Variants in ATP13A3 observed in about 807,000 individuals in gnomAD.
The protein encoded by ATP13A3 is ATPase 13A3.
Under a neutral mutation model 158.1 loss-of-function variants are expected in ATP13A3, and 59 were observed. The ratio of observed to expected loss-of-function variants is 0.37; its 90% CI spans 0.30 to 0.46. ATP13A3 has a LOEUF of 0.46. ATP13A3 is among the 20% of genes least tolerant of loss of function. The probability of loss-of-function intolerance (pLI) is 1.00; values close to 1 mark genes in which losing one functional copy is unlikely to be tolerated. For synonymous variants in ATP13A3, 491 were observed against 504.3 expected, an observed-to-expected ratio of 0.97 and a Z score of 0.35; for missense variants, 1,166 against 1,525.2, an observed-to-expected ratio of 0.76 and a Z score of 3.92.
intron 33 of ATP13A3, among the ~76,000 whole-genome samples, chr3:194,408,696 A>G (rs934653364): frequency 1.3e-5 from 2 of 152,176 alleles, no homozygotes; most frequent in Non-Finnish European, 2.9e-5. Flanking sequence ...CCCCTACTGT[A>G]CCATAATTGG....
intron 2 of ATP13A3, among the ~76,000 whole-genome samples, chr3:194,465,588 G>A (rs772786295): frequency 6.6e-6 from 1 of 152,112 alleles, no homozygotes; most frequent in African/African-American, 2.4e-5. Context: ...TTTAGTTAGC[G>A]GGATAAAATT....
rs532951838 is a variant in ATP13A3 at position 194,460,710 on chromosome 3, G to C, written c.173C>G (p.Thr58Ser). 6.2e-7 allele frequency: 1 copy of C among 1,613,914 alleles called. No individual in the cohort carries two copies. The highest frequency in any genetic ancestry group is 2.2e-5 in the East Asian group (1 of 44,880). ...GTCTTTAATTGCAGCTCTGACACAG[G>C]TCGCTTTCACCCGCCACTCAGGCAT... is the stretch of plus-strand genomic sequence containing the variant. ...YWMPEWRVKA[T>S]CVRAAIKDCE... Residue 58 changes from threonine (T) to serine (S), a missense_variant, in exon 4 of 34, where the codon ACC becomes AGC. By Grantham distance (58) the Thr-to-Ser change is moderately conservative. Transcript: ENST00000645319.
intron 3 of ATP13A3, among the ~76,000 whole-genome samples, 163 bp from the exon 4 acceptor site, chr3:194,460,994 G>C (rs1171386212): frequency 6.6e-6 from 1 of 151,982 alleles, no homozygotes; most frequent in Non-Finnish European, 1.5e-5. Flanking sequence ...TTTTGTTTCT[G>C]ACCAGTTTAC....
Position 194,402,972 on chromosome 3 carries a change from CA to C in ATP13A3, c.*2946del, listed in dbSNP as rs1323056875. The C allele has an allele frequency of 6.6e-6, 1 of 152,138 alleles. No homozygotes were observed. The highest frequency in any genetic ancestry group is 1.5e-5 in the Non-Finnish European group (1 of 68,028). 9.4% of individuals were successfully genotyped at this position (152,138 alleles called of 1,614,324 possible). On this transcript the variant is annotated 3_prime_UTR_variant, in exon 34 of 34. Coordinates refer to ENST00000645319, the MANE Select transcript of ATP13A3 (RefSeq NM_001367549.1). ...TACATTAAAAATGTGTAAATGCCCA[CA>C]GACTGTACAAAAATTAACACCCCAT...
chr3:194,489,704 G>A (rs1392654369), upstream of ATP13A3, among the ~76,000 whole-genome samples: 1 of 152,158 alleles, frequency 6.6e-6, no homozygotes, highest in Non-Finnish European at 1.5e-5. This position sits in a 1 kb window ranked among gnomAD's most constrained non-coding sequence, Gnocchi z 4.1. Context: ...TCAAGGGAAA[G>A]CTATAGGAAA....
At chr3:194,466,011 C>G (rs1416915147) in intron 2 of ATP13A3, among the ~76,000 whole-genome samples, 1 of 151,736 alleles carries the variant, frequency 6.6e-6, no homozygotes, top group African/African-American at 2.4e-5. Context: ...ACTTTTAAAA[C>G]ACCAATGGGT....
chr3:194,448,776 T>C lies in ATP13A3; in HGVS notation c.971-140A>G, dbSNP rs1000314154. On this transcript the variant is annotated intron_variant, in intron 11 of 33. Coordinates refer to ENST00000645319, the MANE Select transcript of ATP13A3 (RefSeq NM_001367549.1). The surrounding 1 kb of genome is among the most constrained non-coding windows in gnomAD (Gnocchi z 4.0). ...TACTGTTTACAATAATCACTGAGAG[T>C]TGTATATGTGGACAACATGGCTTAA... The C allele has an allele frequency of 3.3e-6, 3 of 908,568 alleles. No individual in the cohort carries two copies. Among genetic ancestry groups the C allele is most frequent in the African/African-American group, 1.7e-5 (1 of 58,764 alleles). The allele number at this position is 908,568 out of a possible 1,614,324, so 56.3% of individuals were successfully genotyped here. A position where few individuals can be genotyped will look rare whatever the true frequency, so the allele number is the denominator to read the frequency against.
At position 194,405,900 on chromosome 3, in the gene ATP13A3, C is replaced by A; in HGVS notation, c.*19G>T. ...TCCTGAATACTGCTATCAGCAATAC[C>A]ACTGAGACTGATTCACTGCTATGTT... On this transcript the variant is annotated 3_prime_UTR_variant, in exon 34 of 34. Coordinates refer to ENST00000645319, the MANE Select transcript of ATP13A3 (RefSeq NM_001367549.1). 1 of 1,611,362 alleles carries A rather than the reference C, an allele frequency of 6.2e-7. No individual in the cohort carries two copies. The highest frequency in any genetic ancestry group is 1.3e-5 in the African/African-American group (1 of 74,928).
intron 2 of ATP13A3, among the ~76,000 whole-genome samples, chr3:194,478,541 GA>G (rs1006392098): frequency 6.6e-6 from 1 of 152,132 alleles, no homozygotes; most frequent in Non-Finnish European, 1.5e-5. Flanking sequence ...AAAATGCCAG[GA>G]AAACAAGTTA....
chr3:194,473,996 A>C, intron 2 of ATP13A3, among the ~76,000 whole-genome samples: 1 of 151,980 alleles, frequency 6.6e-6, no homozygotes, highest in Admixed American at 6.6e-5. Context: ...CCAAACTGTT[A>C]ACATCATCTT....
At chr3:194,473,610 C>G (rs777150573) in intron 2 of ATP13A3, among the ~76,000 whole-genome samples, 1 of 152,032 alleles carries the variant, frequency 6.6e-6, no homozygotes, top group Non-Finnish European at 1.5e-5. Flanking sequence ...CCACCTTGAA[C>G]GTGCCAATCT....
At chr3:194,454,604 G>A (rs1446683116) in intron 8 of ATP13A3, among the ~76,000 whole-genome samples, 2 of 147,472 alleles carry the variant, frequency 1.4e-5, no homozygotes, top group South Asian at 2.2e-4. Flanking sequence ...CAAGGCGGGC[G>A]GATCATGAGG....
chr3:194,489,098 T>C (rs561195140), upstream of ATP13A3, among the ~76,000 whole-genome samples: 14 of 152,244 alleles, frequency 9.2e-5, no homozygotes, highest in Non-Finnish European at 2.1e-4. The surrounding 1 kb of genome is among the most constrained non-coding windows in gnomAD (Gnocchi z 4.1). Flanking sequence ...TTCAGCCCTC[T>C]GCCTTACCCA....
At chr3:194,428,947 GT>G in intron 27 of ATP13A3, 30 bp from the exon 28 acceptor site, 1 of 1,433,912 alleles carries the variant, frequency 7.0e-7, no homozygotes, top group Admixed American at 2.1e-5. Context: ...AACATTATTA[GT>G]TTTTGGGAAT....
intron 2 of ATP13A3, among the ~76,000 whole-genome samples, chr3:194,483,729 A>G (rs1720851636): frequency 6.6e-6 from 1 of 152,266 alleles, no homozygotes; most frequent in South Asian, 2.1e-4. Flanking sequence ...GATATGGCAT[A>G]TTCAGAATAC....
intron 2 of ATP13A3, among the ~76,000 whole-genome samples, chr3:194,479,083 A>C (rs1310560969): frequency 1.3e-5 from 2 of 152,138 alleles, no homozygotes; most frequent in Non-Finnish European, 2.9e-5. Context: ...CGCACCAGAG[A>C]TTAGAAAGGA....
intron 2 of ATP13A3, among the ~76,000 whole-genome samples, chr3:194,471,182 C>T (rs1242788501): frequency 6.6e-6 from 1 of 151,904 alleles, no homozygotes; most frequent in Non-Finnish European, 1.5e-5. Context: ...TGCATCTTAC[C>T]CCAGGCAAGA....
At chr3:194,417,396 GACACACACACACACAC>G (rs56119734) in intron 31 of ATP13A3, among the ~76,000 whole-genome samples, 80 of 118,138 alleles carry the variant, frequency 6.8e-4, no homozygotes, top group Admixed American at 9.9e-4. Flanking sequence ...GCCAGATTCT[GACACACACACACACAC>G]ACACACACAC....
At chr3:194,432,011 T>C (rs1717259338) in intron 21 of ATP13A3, 119 bp from the exon 22 acceptor site, 4 of 781,392 alleles carry the variant, frequency 5.1e-6, no homozygotes, top group South Asian at 3.5e-5. Flanking sequence ...GTAACGATAA[T>C]GTATGGTTCT....
Sources: gnomAD v4.1 joint callset for allele counts (sites outside exome capture counted in the v4.1 genomes callset) on GRCh38, gnomAD v4.1.1 for gene constraint, Gnocchi (gnomAD v3.1) non-coding constraint, MANE v1.5 for transcripts, NCBI Gene and HGNC (gene_info 2026-07-23, HGNC 2026-07-21) for gene names.